Variants in PSD3 observed in about 807,000 individuals in gnomAD.
The protein encoded by PSD3 is PH and SEC7 domain-containing protein 3.
A neutral mutation model predicts 105.5 loss-of-function variants in PSD3; 49 were observed. That is an observed-to-expected ratio of 0.46 (90% CI 0.37 to 0.59). The LOEUF (loss-of-function observed/expected upper bound fraction) is 0.59. Among genes scored for constraint, PSD3 ranks in the 20% least tolerant of loss-of-function variants. PSD3 has a pLI of 0.00. For missense variants in PSD3, 1,561 were observed against 1,263.8 expected (o/e 1.24, Z -3.57); for synonymous variants, 557 against 457.8 (o/e 1.22, Z -2.77).
intron 9 of PSD3, among the ~76,000 whole-genome samples, chr8:18,659,917 T>A (rs902946033): frequency 2.6e-5 from 4 of 152,144 alleles, no homozygotes; most frequent in African/African-American, 9.7e-5. Context: ...GGGAGAAACA[T>A]TGCTATGGAC....
chr8:18,685,437 T>C (rs558510954), intron 9 of PSD3, among the ~76,000 whole-genome samples: 22 of 151,978 alleles, frequency 1.4e-4, no homozygotes, highest in African/African-American at 4.6e-4. Flanking sequence ...TAACTTTTCA[T>C]CTCCTATTTT....
At chr8:18,620,360 T>TTTTC (rs1554524298) in intron 11 of PSD3, among the ~76,000 whole-genome samples, 6 of 149,888 alleles carry the variant, frequency 4.0e-5, no homozygotes, top group African/African-American at 1.5e-4. Flanking sequence ...TTTTTTTTTT[T>TTTTC]CCCCAGGCTG....
intron 9 of PSD3, among the ~76,000 whole-genome samples, chr8:18,688,865 C>A (rs1800807774): frequency 6.6e-6 from 1 of 152,206 alleles, no homozygotes; most frequent in African/African-American, 2.4e-5. Flanking sequence ...TAAAAGCAGG[C>A]TTCCTGGAGA....
intron 4 of PSD3, among the ~76,000 whole-genome samples, chr8:18,862,719 G>A (rs1315089060): frequency 1.3e-5 from 2 of 151,490 alleles, no homozygotes; most frequent in Non-Finnish European, 2.9e-5. Context: ...GTTTAAACTG[G>A]GATGTTGAAA....
chr8:18,852,560 C>T (rs562473471), intron 4 of PSD3, among the ~76,000 whole-genome samples: 55 of 152,328 alleles, frequency 3.6e-4, no homozygotes, highest in African/African-American at 1.3e-3. Flanking sequence ...CATGAGCACA[C>T]AGATGTTTTC....
intron 1 of PSD3, among the ~76,000 whole-genome samples, chr8:18,952,134 A>G (rs755370404): frequency 6.6e-6 from 1 of 152,236 alleles, no homozygotes; most frequent in African/African-American, 2.4e-5. Context: ...AGAACACTGG[A>G]GAATAAATGA....
chr8:18,626,602 G>A (rs1806497595), intron 11 of PSD3, among the ~76,000 whole-genome samples: 1 of 152,068 alleles, frequency 6.6e-6, no homozygotes, highest in Admixed American at 6.6e-5. Context: ...TAAATAAAAA[G>A]TGATGTGTTT....
At chr8:19,003,968 A>C (rs904606033) in intron 1 of PSD3, among the ~76,000 whole-genome samples, 8 of 152,188 alleles carry the variant, frequency 5.3e-5, no homozygotes, top group Middle Eastern at 3.4e-3. Context: ...TCCGATCTTA[A>C]GACTTGCATG....
rs532954304 is a variant in PSD3, at chr8:18,890,175, C to G, written c.131-17442G>C. On this transcript the variant is annotated intron_variant, in intron 2 of 15. Transcript: ENST00000327040. ...GGAGACAATAAGATTACTGGAGGAA[C>G]TGGTAACAATAATTCCTTATGTAAA... Among the ~76,000 whole-genome samples, 499 of 152,056 alleles carry G rather than the reference C, an allele frequency of 3.3e-3. 1 individual carries two copies. The highest frequency in any genetic ancestry group is 0.011 in the African/African-American group (473 of 41,448).
chr8:18,680,998 TG>T (rs1372367121), intron 9 of PSD3, among the ~76,000 whole-genome samples: 1 of 44,104 alleles, frequency 2.3e-5, no homozygotes, highest in East Asian at 4.8e-4. Context: ...TAAACCATTA[TG>T]TTTTAATGGC....
intron 10 of PSD3, among the ~76,000 whole-genome samples, chr8:18,638,605 A>G (rs961634721): frequency 3.3e-5 from 5 of 152,144 alleles, no homozygotes; most frequent in African/African-American, 1.2e-4. Flanking sequence ...TGTGTACTGA[A>G]AACCGTAAAA....
chr8:18,989,315 T>C (rs951831042), intron 1 of PSD3: 1 of 152,242 alleles, frequency 6.6e-6, no homozygotes, highest in Non-Finnish European at 1.5e-5. Flanking sequence ...AGATTTCTTC[T>C]GCTTTCAGTC....
chr8:19,035,569 G>A (rs959631937), intron 1 of PSD3, among the ~76,000 whole-genome samples: 2 of 151,726 alleles, frequency 1.3e-5, no homozygotes, highest in African/African-American at 4.8e-5. Flanking sequence ...GTGTTTAAAG[G>A]CAGGTTCTTG....
intron 9 of PSD3, among the ~76,000 whole-genome samples, chr8:18,718,093 T>C (rs1585716834): frequency 1.3e-5 from 2 of 152,208 alleles, no homozygotes; most frequent in Admixed American, 1.3e-4. Flanking sequence ...AGTTTCACCC[T>C]GCCCTAGTGA....
intron 10 of PSD3, among the ~76,000 whole-genome samples, chr8:18,646,945 GC>G (rs1808081348): frequency 6.6e-6 from 1 of 152,044 alleles, no homozygotes. Flanking sequence ...TCATATTTAG[GC>G]CATTGGGTTG....
chr8:18,996,942 C>T (rs1195281117), intron 1 of PSD3, among the ~76,000 whole-genome samples: 1 of 151,864 alleles, frequency 6.6e-6, no homozygotes, highest in Non-Finnish European at 1.5e-5. Flanking sequence ...GAGAATCTGA[C>T]TCATCTTGCT....
intron 2 of PSD3, among the ~76,000 whole-genome samples, chr8:18,923,632 C>A (rs1012550093): frequency 1.3e-5 from 2 of 152,168 alleles, no homozygotes; most frequent in African/African-American, 4.8e-5. Flanking sequence ...CTAGAAAAAA[C>A]AGGCTAAGCC....
At chr8:18,998,366 G>A (rs962025321) in intron 1 of PSD3, among the ~76,000 whole-genome samples, 1 of 151,966 alleles carries the variant, frequency 6.6e-6, no homozygotes, top group African/African-American at 2.4e-5. Context: ...CAAAACCCTG[G>A]ACCTTGCTTC....
chr8:18,682,232 G>C (rs1008598826), intron 9 of PSD3, among the ~76,000 whole-genome samples: 1 of 152,188 alleles, frequency 6.6e-6, no homozygotes, highest in Non-Finnish European at 1.5e-5. Flanking sequence ...AGTTAAGGAT[G>C]ATGAGCTCTT....
Sources: gnomAD v4.1 joint callset for allele counts (sites outside exome capture counted in the v4.1 genomes callset) on GRCh38, gnomAD v4.1.1 for gene constraint, MANE v1.5 for transcripts, NCBI Gene and HGNC (gene_info 2026-07-23, HGNC 2026-07-21) for gene names.